CDK6: variants seen among roughly 807,000 people sequenced by gnomAD.
The protein encoded by CDK6 is cyclin-dependent kinase 6.
A neutral mutation model predicts 37.1 loss-of-function variants in CDK6; 6 were observed. The observed-to-expected ratio is 0.16, with a 90% CI of 0.09 to 0.32. The LOEUF (loss-of-function observed/expected upper bound fraction) is 0.32. CDK6 is among the 10% of genes least tolerant of loss of function. The probability of loss-of-function intolerance (pLI) is 1.00; values close to 1 mark genes in which losing one functional copy is unlikely to be tolerated. For synonymous variants in CDK6, 160 were observed against 161.3 expected (o/e 0.99, Z 0.06); for missense variants, 224 against 418.9 (o/e 0.53, Z 4.06).
chr7:92,668,804 T>C (rs1037112683), intron 5 of CDK6, among the ~76,000 whole-genome samples: 1 of 152,110 alleles, frequency 6.6e-6, no homozygotes, highest in African/African-American at 2.4e-5. Flanking sequence ...GGGGGTATCA[T>C]AGGAAATACC....
At chr7:92,741,491 C>T (rs573297492) in intron 3 of CDK6, among the ~76,000 whole-genome samples, 1 of 152,166 alleles carries the variant, frequency 6.6e-6, no homozygotes, top group East Asian at 1.9e-4. Context: ...CAATTTTAGT[C>T]TGAATATATA....
chr7:92,756,437 T>A (rs1448981083), intron 3 of CDK6, among the ~76,000 whole-genome samples: 2 of 152,236 alleles, frequency 1.3e-5, no homozygotes, highest in Non-Finnish European at 2.9e-5. Context: ...TAATTCACTT[T>A]TTCTTCTATT....
At chr7:92,807,577 T>C (rs3802066) in intron 2 of CDK6, among the ~76,000 whole-genome samples, 3,977 of 151,910 alleles carry the variant, frequency 0.026, 159 homozygotes, top group South Asian at 0.17. Flanking sequence ...GGTATAGATA[T>C]AAATACATAT....
intron 4 of CDK6, among the ~76,000 whole-genome samples, chr7:92,719,170 T>G (rs1344443434): frequency 6.6e-6 from 1 of 152,196 alleles, no homozygotes; most frequent in Non-Finnish European, 1.5e-5. Flanking sequence ...ATGTGCAGGA[T>G]GTACAGGTTT....
At chr7:92,637,816 T>C (rs1796207958) in intron 5 of CDK6, among the ~76,000 whole-genome samples, 1 of 152,054 alleles carries the variant, frequency 6.6e-6, no homozygotes, top group Non-Finnish European at 1.5e-5. Context: ...ACATACAAGG[T>C]GATTACCATG....
chr7:92,759,786 T>G (rs1264669576), intron 3 of CDK6, among the ~76,000 whole-genome samples: 2 of 151,458 alleles, frequency 1.3e-5, no homozygotes, highest in East Asian at 1.9e-4. Flanking sequence ...TCCCCTTTTA[T>G]CCCATTTAAT....
intron 5 of CDK6, among the ~76,000 whole-genome samples, chr7:92,648,167 T>C (rs1481895290): frequency 6.6e-6 from 1 of 152,090 alleles, no homozygotes; most frequent in African/African-American, 2.4e-5. Context: ...TATTTTCCTA[T>C]GGGAATTGGG....
chr7:92,744,681 G>A (rs538963952), intron 3 of CDK6, among the ~76,000 whole-genome samples: 2 of 152,300 alleles, frequency 1.3e-5, no homozygotes, highest in South Asian at 4.1e-4. Context: ...GCTTTGAAAA[G>A]TAAAACTATT....
chr7:92,770,879 C>T (rs1799697219), intron 3 of CDK6, among the ~76,000 whole-genome samples: 1 of 152,020 alleles, frequency 6.6e-6, no homozygotes, highest in African/African-American at 2.4e-5. Context: ...AGAGGAAAAT[C>T]CCCTGAGCTT....
chr7:92,724,272 A>G (rs1030330137), intron 4 of CDK6, among the ~76,000 whole-genome samples: 2 of 152,220 alleles, frequency 1.3e-5, no homozygotes, highest in Admixed American at 1.3e-4. Flanking sequence ...GCTGAGGCCT[A>G]TCTTTTAAAC....
chr7:92,810,422 A>G (rs573610723), intron 2 of CDK6, among the ~76,000 whole-genome samples: 1 of 152,366 alleles, frequency 6.6e-6, no homozygotes, highest in Non-Finnish European at 1.5e-5. Flanking sequence ...CTGCCAGCAG[A>G]CAGTTGACCT....
intron 6 of CDK6, among the ~76,000 whole-genome samples, chr7:92,622,369 T>C (rs1263170587): frequency 6.6e-6 from 1 of 152,142 alleles, no homozygotes; most frequent in Non-Finnish European, 1.5e-5. Flanking sequence ...ATTTCTCAGA[T>C]GAAGTTAAGG....
intron 5 of CDK6, among the ~76,000 whole-genome samples, chr7:92,660,164 G>A (rs1435498647): frequency 6.6e-6 from 1 of 152,184 alleles, no homozygotes; most frequent in Non-Finnish European, 1.5e-5. Context: ...AAACAACACC[G>A]TGCTCTGCAT....
chr7:92,775,837 A>C (rs1047183672), intron 2 of CDK6, among the ~76,000 whole-genome samples: 6 of 152,230 alleles, frequency 3.9e-5, no homozygotes, highest in Non-Finnish European at 8.8e-5. Context: ...CTTCAAAGAA[A>C]CTATAAATGT....
At chr7:92,686,149 C>CT (rs1219895493) in intron 4 of CDK6, among the ~76,000 whole-genome samples, 1 of 152,112 alleles carries the variant, frequency 6.6e-6, no homozygotes, top group African/African-American at 2.4e-5. Context: ...ACTGAAAGTA[C>CT]TTTTTTCTCA....
At chr7:92,671,593 T>C in intron 4 of CDK6, 58 bp from the exon 5 acceptor site, 1 of 930,932 alleles carries the variant, frequency 1.1e-6, no homozygotes, top group Non-Finnish European at 1.6e-6. Context: ...CTTAGACTCC[T>C]GACTAAACCT....
chr7:92,689,972 T>G (rs933320025), intron 4 of CDK6, among the ~76,000 whole-genome samples: 2 of 151,624 alleles, frequency 1.3e-5, no homozygotes, highest in Non-Finnish European at 2.9e-5. Context: ...TTTTTTATCG[T>G]TTTTTTTCCT....
intron 2 of CDK6, among the ~76,000 whole-genome samples, chr7:92,801,250 A>T (rs113908884): frequency 1.4e-4 from 21 of 152,338 alleles, no homozygotes; most frequent in African/African-American, 5.1e-4. Context: ...GATTGGGAGC[A>T]GAGAACAACT....
At chr7:92,710,801 G>A in intron 4 of CDK6, 1 of 985,436 alleles carries the variant, frequency 1.0e-6, no homozygotes, top group Non-Finnish European at 1.2e-6. Context: ...GATGAGGGCT[G>A]ATACTCAGAG....
Sources: gnomAD v4.1 joint callset for allele counts (sites outside exome capture counted in the v4.1 genomes callset) on GRCh38, gnomAD v4.1.1 for gene constraint, MANE v1.5 for transcripts, NCBI Gene and HGNC (gene_info 2026-07-23, HGNC 2026-07-21) for gene names.